CDC42BPA: variants seen among roughly 807,000 people sequenced by gnomAD.
CDC42BPA encodes the protein serine/threonine-protein kinase MRCK alpha.
CDC42BPA carries 80 observed loss-of-function variants against 223.5 expected under a neutral mutation model. The observed-to-expected ratio is 0.36, with a 90% CI of 0.30 to 0.43. The LOEUF (loss-of-function observed/expected upper bound fraction) is 0.43, where lower values mean the gene tolerates loss of function less well. Among genes scored for constraint, CDC42BPA ranks in the 20% least tolerant of loss-of-function variants. The pLI is 1.00. For missense variants in CDC42BPA, 1,743 were observed against 2,099.9 expected (o/e 0.83, Z 3.32); for synonymous variants, 694 against 718.6 (o/e 0.97, Z 0.55).
intron 21 of CDC42BPA, among the ~76,000 whole-genome samples, chr1:227,059,040 A>T (rs1675221330): frequency 6.6e-6 from 1 of 152,180 alleles, no homozygotes. Flanking sequence ...ACTTGCTTAC[A>T]AAAGATTCTT....
chr1:227,010,851 G>C (rs1190898944), intron 34 of CDC42BPA: 1 of 1,307,270 alleles, frequency 7.6e-7, no homozygotes, highest in African/African-American at 1.5e-5. Context: ...GTTAGTGAAA[G>C]TTAACACCTG....
At chr1:227,036,019 C>A (rs932413111) in intron 24 of CDC42BPA, among the ~76,000 whole-genome samples, 4 of 152,190 alleles carry the variant, frequency 2.6e-5, no homozygotes, top group African/African-American at 9.6e-5. Context: ...TACCTGACAT[C>A]TTCGGTTTGG....
intron 1 of CDC42BPA, chr1:227,264,865 T>C: frequency 1.3e-6 from 2 of 1,533,414 alleles, no homozygotes; most frequent in Admixed American, 1.7e-5. Context: ...AGTCTGGAAC[T>C]GGACCTGAAG....
chr1:227,095,834 C>T (rs1220706685), intron 15 of CDC42BPA, among the ~76,000 whole-genome samples: 3 of 151,972 alleles, frequency 2.0e-5, no homozygotes, highest in South Asian at 2.1e-4. Flanking sequence ...TCAGGTGATC[C>T]GCCCGCCTCA....
At chr1:227,025,776 C>A (rs2148606825) in intron 31 of CDC42BPA, among the ~76,000 whole-genome samples, 1 of 152,174 alleles carries the variant, frequency 6.6e-6, no homozygotes, top group South Asian at 2.1e-4. Context: ...GAAGATAACA[C>A]TGACATTTTA....
intron 1 of CDC42BPA, among the ~76,000 whole-genome samples, chr1:227,259,192 A>G (rs1343476124): frequency 6.6e-6 from 1 of 150,834 alleles, no homozygotes; most frequent in Admixed American, 6.6e-5. Context: ...CCAAGTGCAT[A>G]TTGTGAGGCC....
intron 23 of CDC42BPA, among the ~76,000 whole-genome samples, chr1:227,045,002 C>T (rs1482153623): frequency 1.3e-5 from 2 of 152,172 alleles, no homozygotes; most frequent in Non-Finnish European, 2.9e-5. Flanking sequence ...TTTCAGCCCC[C>T]TTACCCCTTT....
chr1:227,147,275 T>C (rs932819426), intron 7 of CDC42BPA, 84 bp downstream of exon 7: 20 of 955,088 alleles, frequency 2.1e-5, no homozygotes, highest in Non-Finnish European at 2.8e-5. Context: ...TCACTGTTTT[T>C]AGAAAAATAT....
At chr1:227,286,395 C>A (rs1253641096) in intron 1 of CDC42BPA, among the ~76,000 whole-genome samples, 1 of 152,188 alleles carries the variant, frequency 6.6e-6, no homozygotes, top group Non-Finnish European at 1.5e-5. Context: ...CAGTCAAGTT[C>A]TTTGCTAAGG....
intron 34 of CDC42BPA, chr1:227,010,923 C>T (rs538533526): frequency 1.4e-5 from 19 of 1,365,090 alleles, no homozygotes; most frequent in South Asian, 5.7e-5. Flanking sequence ...AGCGCAGAGA[C>T]GGGGAATATT....
At chr1:227,050,713 C>A (rs1435669595) in intron 22 of CDC42BPA, among the ~76,000 whole-genome samples, 1 of 152,016 alleles carries the variant, frequency 6.6e-6, no homozygotes, top group Non-Finnish European at 1.5e-5. Context: ...AAATTATAAA[C>A]ACATAATAAG....
chr1:227,141,895 G>A (rs1659742091), intron 9 of CDC42BPA, among the ~76,000 whole-genome samples: 1 of 152,168 alleles, frequency 6.6e-6, no homozygotes, highest in African/African-American at 2.4e-5. Flanking sequence ...TTTGTGCCCA[G>A]GAGTCTGAGG....
At chr1:227,082,782 T>G (rs980475341) in intron 16 of CDC42BPA, among the ~76,000 whole-genome samples, 2 of 151,942 alleles carry the variant, frequency 1.3e-5, no homozygotes, top group African/African-American at 4.8e-5. Context: ...TCTGAATTTT[T>G]GCCTTCATTT....
Position 227,031,526 on chromosome 1 carries a change from T to C in CDC42BPA, c.3559-12A>G, listed in dbSNP as rs1416267676. 6.2e-7 allele frequency: 1 copy of C among 1,601,266 alleles called. No homozygotes were observed. The highest frequency in any genetic ancestry group is 1.1e-5 in the South Asian group (1 of 90,786). ...TGGGAAGCTGTGACCTAGAACAATT[T>C]AATCAATATTCATGATATTAGAAAA... On this transcript the variant is annotated splice_polypyrimidine_tract_variant and intron_variant, in intron 27 of 36. Coordinates refer to ENST00000366766, the MANE Select transcript of CDC42BPA (RefSeq NM_001394014.1).
intron 1 of CDC42BPA, among the ~76,000 whole-genome samples, chr1:227,267,865 G>A (rs545629348): frequency 2.6e-5 from 4 of 151,936 alleles, no homozygotes; most frequent in Non-Finnish European, 5.9e-5. Flanking sequence ...AATACGAGGG[G>A]GTAACAATTC....
chr1:227,262,280 T>A (rs1558898091), intron 1 of CDC42BPA, among the ~76,000 whole-genome samples: 2 of 152,152 alleles, frequency 1.3e-5, no homozygotes, highest in Non-Finnish European at 2.9e-5. Flanking sequence ...CACTGAAATG[T>A]AATGATATAT....
chr1:227,168,497 G>GTTTTTTTTTTTTTTTTTTGTTTTTTT (rs1292387936), intron 5 of CDC42BPA, among the ~76,000 whole-genome samples: 2 of 80,196 alleles, frequency 2.5e-5, no homozygotes, highest in African/African-American at 9.9e-5. Context: ...CTTCCCTGGT[G>GTTTTTTTTTTTTTTTTTTGTTTTTTT]TTTTTTTTTT....
chr1:227,038,140 G>T (rs903042471), intron 24 of CDC42BPA, among the ~76,000 whole-genome samples: 8 of 152,110 alleles, frequency 5.3e-5, no homozygotes, highest in African/African-American at 1.9e-4. Context: ...ATGGGGGCAG[G>T]TCTCTCTGTG....
intron 21 of CDC42BPA, among the ~76,000 whole-genome samples, chr1:227,066,471 C>G (rs547060894): frequency 6.6e-6 from 1 of 151,906 alleles, no homozygotes; most frequent in South Asian, 2.1e-4. Flanking sequence ...GAGCGTTATG[C>G]GAAATATCTT....
Sources: allele counts gnomAD v4.1 joint callset (sites outside exome capture counted in the v4.1 genomes callset), GRCh38; gene constraint gnomAD v4.1.1; transcripts MANE v1.5; gene names NCBI Gene and HGNC (gene_info 2026-07-23, HGNC 2026-07-21).